Variants in LRRC4C observed in about 807,000 individuals in gnomAD.
LRRC4C encodes the protein leucine-rich repeat-containing protein 4C.
In LRRC4C, 5 loss-of-function variants were observed where a neutral mutation model predicts 33.6. The ratio of observed to expected loss-of-function variants is 0.15; its 90% CI spans 0.08 to 0.31. The LOEUF is 0.31. Among genes scored for constraint, LRRC4C ranks in the 10% least tolerant of loss-of-function variants. The pLI is 1.00. For missense variants in LRRC4C, 560 were observed against 796.7 expected, an observed-to-expected ratio of 0.70 and a Z score of 3.58; for synonymous variants, 329 against 302.0, an observed-to-expected ratio of 1.09 and a Z score of -0.93.
intron 2 of LRRC4C, among the ~76,000 whole-genome samples, chr11:40,853,119 C>T (rs1953595314): frequency 6.6e-6 from 1 of 152,100 alleles, no homozygotes; most frequent in African/African-American, 2.4e-5. Context: ...GCACAAAATA[C>T]TAGTCAAATA....
At chr11:40,554,777 G>T (rs1957268030) in intron 3 of LRRC4C, among the ~76,000 whole-genome samples, 3 of 114,528 alleles carry the variant, frequency 2.6e-5, no homozygotes, top group Admixed American at 1.1e-4. Flanking sequence ...GTCTCGCTCT[G>T]TCGCCCAGGT....
chr11:40,674,388 T>C (rs1050819099), intron 2 of LRRC4C, among the ~76,000 whole-genome samples: 2 of 152,174 alleles, frequency 1.3e-5, no homozygotes, highest in African/African-American at 4.8e-5. Context: ...ATAGGAAAAG[T>C]AGAAGAGAGC....
At chr11:40,711,094 C>T (rs931641810) in intron 2 of LRRC4C, among the ~76,000 whole-genome samples, 2 of 152,212 alleles carry the variant, frequency 1.3e-5, no homozygotes, top group African/African-American at 2.4e-5. Flanking sequence ...CTGGTACAGA[C>T]TGTCACAGCT....
At chr11:41,139,708 ATTT>A in intron 1 of LRRC4C, among the ~76,000 whole-genome samples, 1 of 152,086 alleles carries the variant, frequency 6.6e-6, no homozygotes, top group Admixed American at 6.6e-5. Context: ...ATACTTTTCA[ATTT>A]TTTTTTAAAG....
intron 2 of LRRC4C, among the ~76,000 whole-genome samples, chr11:40,745,242 A>G (rs1188621592): frequency 1.3e-5 from 2 of 152,188 alleles, no homozygotes; most frequent in African/African-American, 2.4e-5. Flanking sequence ...TTTCCCTCTA[A>G]AAGAGGTGAA....
chr11:41,283,889 T>C (rs1949743428), intron 1 of LRRC4C, among the ~76,000 whole-genome samples: 1 of 152,238 alleles, frequency 6.6e-6, no homozygotes, highest in Non-Finnish European at 1.5e-5. Context: ...TCCTCAATGG[T>C]AAAATACAGG....
chr11:41,220,794 T>G (rs995240410), intron 1 of LRRC4C, among the ~76,000 whole-genome samples: 3 of 152,176 alleles, frequency 2.0e-5, no homozygotes, highest in Admixed American at 2.0e-4. Flanking sequence ...AAGTCATATA[T>G]TGGTTTATTT....
intron 1 of LRRC4C, among the ~76,000 whole-genome samples, chr11:41,429,411 T>C (rs1955158232): frequency 6.6e-6 from 1 of 152,170 alleles, no homozygotes; most frequent in Non-Finnish European, 1.5e-5. Context: ...AAACTTTTCA[T>C]GGGATTGAGT....
intron 1 of LRRC4C, among the ~76,000 whole-genome samples, chr11:41,156,544 C>T (rs1198390294): frequency 2.0e-5 from 3 of 151,912 alleles, no homozygotes; most frequent in African/African-American, 4.8e-5. Flanking sequence ...TTGCAAACAC[C>T]GTGTGCTAGG....
Position 40,207,845 on chromosome 11 carries a change from A to C in LRRC4C, c.-96+33674T>G, listed in dbSNP as rs557082953. Among the ~76,000 whole-genome samples the C allele has an allele frequency of 2.6e-5, 4 of 152,216 alleles. No individual in the cohort carries two copies. The East Asian group carries it at 7.7e-4, about 29-fold the overall frequency. On this transcript the variant is annotated intron_variant, in intron 5 of 6. Coordinates refer to ENST00000528697, the MANE Select transcript of LRRC4C (RefSeq NM_001258419.2). ...GTTAGAACCATGAAAAATTAGACTT[A>C]AGCTTTAAAGATAGCATTCCATCCA...
chr11:40,394,936 T>C (rs956510712), intron 3 of LRRC4C, among the ~76,000 whole-genome samples: 3 of 152,142 alleles, frequency 2.0e-5, no homozygotes, highest in African/African-American at 7.2e-5. Flanking sequence ...ATGGTAATAT[T>C]GAGACTTTAC....
intron 2 of LRRC4C, among the ~76,000 whole-genome samples, chr11:40,807,771 G>A (rs1565086046): frequency 6.6e-6 from 1 of 152,278 alleles, no homozygotes; most frequent in African/African-American, 2.4e-5. Context: ...AGCATATGGC[G>A]AGAAAATCAA....
At chr11:40,905,315 G>A (rs536772992) in intron 2 of LRRC4C, among the ~76,000 whole-genome samples, 24 of 151,942 alleles carry the variant, frequency 1.6e-4, no homozygotes, top group South Asian at 1.3e-3. Flanking sequence ...CCAGTTTCAC[G>A]TGTCTAAGTC....
At chr11:40,525,631 AT>A in intron 3 of LRRC4C, among the ~76,000 whole-genome samples, 1 of 152,308 alleles carries the variant, frequency 6.6e-6, no homozygotes, top group East Asian at 1.9e-4. Flanking sequence ...GAATTACTTT[AT>A]TTATGCACTG....
chr11:40,115,204 G>T lies in LRRC4C; in HGVS notation c.1089C>A (p.Leu363=). 1 of 1,614,204 alleles carries T rather than the reference G, an allele frequency of 6.2e-7. No homozygotes were observed. The highest frequency in any genetic ancestry group is 8.5e-7 in the Non-Finnish European group (1 of 1,180,054). Residue 363 remains leucine, a synonymous_variant, in exon 7 of 7, where the codon CTC becomes CTA. Transcript: ENST00000528697. The surrounding 1 kb of genome is among the most constrained non-coding windows in gnomAD (Gnocchi z 6.7). The part of the protein sequence containing the change: ...APVIVEPPAD[L]NVTEGMAAEL... Reference sequence around the variant, plus strand: ...CAGCTGCCATGCCTTCAGTGACATTGAGGTCTGCAGGGGGCTCCACAATCA... The same window carrying T: ...CAGCTGCCATGCCTTCAGTGACATTTAGGTCTGCAGGGGGCTCCACAATCA...
At chr11:41,088,297 T>C (rs1478640197) in intron 1 of LRRC4C, among the ~76,000 whole-genome samples, 1 of 152,140 alleles carries the variant, frequency 6.6e-6, no homozygotes, top group Non-Finnish European at 1.5e-5. Context: ...GGCTTCTTCA[T>C]CTCAAAAACA....
intron 2 of LRRC4C, among the ~76,000 whole-genome samples, chr11:40,793,358 G>A (rs1950703534): frequency 6.6e-6 from 1 of 152,052 alleles, no homozygotes. Flanking sequence ...AGTTACCTCA[G>A]TTCAAAAATA....
intron 1 of LRRC4C, among the ~76,000 whole-genome samples, chr11:41,228,478 G>C (rs1026039911): frequency 1.3e-4 from 20 of 152,056 alleles, no homozygotes; most frequent in African/African-American, 4.8e-4. Context: ...GACATCTTCT[G>C]TCATTCTAAT....
At chr11:41,017,799 A>ATATAATATATAAAATATTTATATATT (rs1855696931) in intron 1 of LRRC4C, among the ~76,000 whole-genome samples, 1 of 150,160 alleles carries the variant, frequency 6.7e-6, no homozygotes, top group Non-Finnish European at 1.5e-5. Context: ...ATTTGGGTAT[A>ATATAATATATAAAATATTTATATATT]TATAATATAT....
Sources: gnomAD v4.1 joint callset for allele counts (sites outside exome capture counted in the v4.1 genomes callset) on GRCh38, gnomAD v4.1.1 for gene constraint, Gnocchi (gnomAD v3.1) non-coding constraint, MANE v1.5 for transcripts, NCBI Gene and HGNC (gene_info 2026-07-23, HGNC 2026-07-21) for gene names.